GRIN2A: variants seen among roughly 807,000 people sequenced by gnomAD.
GRIN2A encodes glutamate receptor ionotropic, NMDA 2A.
Under a neutral mutation model 113.4 loss-of-function variants are expected in GRIN2A, and 22 were observed. The observed-to-expected ratio is 0.19, with a 90% confidence interval of 0.14 to 0.28. The LOEUF is 0.28. Among genes scored for constraint, GRIN2A ranks in the 10% least tolerant of loss-of-function variants. GRIN2A has a pLI of 1.00. For missense variants in GRIN2A, 1,502 were observed against 1,887.0 expected, an observed-to-expected ratio of 0.80 and a Z score of 3.78; for synonymous variants, 827 against 738.4, an observed-to-expected ratio of 1.12 and a Z score of -1.94.
At chr16:9,965,205 G>T (rs1026774096) in intron 2 of GRIN2A, among the ~76,000 whole-genome samples, 54 of 152,174 alleles carry the variant, frequency 3.5e-4, no homozygotes, top group African/African-American at 1.3e-3. Context: ...AACAAAGACT[G>T]CAGGGTGTTT....
intron 2 of GRIN2A, among the ~76,000 whole-genome samples, chr16:10,165,970 C>T (rs1051133364): frequency 2.0e-5 from 3 of 152,156 alleles, no homozygotes; most frequent in South Asian, 2.1e-4. Flanking sequence ...GCCATGCACA[C>T]ACCCTAACAC....
At chr16:9,789,580 AC>A (rs1902471638) in intron 11 of GRIN2A, among the ~76,000 whole-genome samples, 2 of 151,700 alleles carry the variant, frequency 1.3e-5, no homozygotes, top group South Asian at 4.2e-4. Context: ...ACACACACAC[AC>A]ACACACACAA....
intron 2 of GRIN2A, among the ~76,000 whole-genome samples, chr16:10,145,580 C>T (rs748928804): frequency 2.6e-5 from 4 of 151,946 alleles, no homozygotes; most frequent in African/African-American, 7.3e-5. Context: ...TACACATTCT[C>T]TCTATTCTTG....
rs2082921093 is a variant in GRIN2A, at chr16:9,755,608, C to G, written c.*7541G>C. The G allele has an allele frequency of 5.4e-6, 1 of 186,126 alleles. No homozygotes were observed. The highest frequency in any genetic ancestry group is 1.1e-5 in the Non-Finnish European group (1 of 88,040). 11.5% of individuals were successfully genotyped at this position (186,126 alleles called of 1,614,324 possible). A position where few individuals can be genotyped will look rare whatever the true frequency, so the allele number is the denominator to read the frequency against. The stretch of plus-strand genomic sequence containing the variant: ...ATCCATCAAATGGGCCTAATGCACC[C>G]CTCACCTCTCAGTAAATATAAATGC... On this transcript the variant is annotated 3_prime_UTR_variant, in exon 13 of 13. Transcript: ENST00000330684.
chr16:10,181,811 C>CTCTCCCTCCGGTCGAG (rs1313652318), intron 1 of GRIN2A, 66 bp downstream of exon 1: 9 of 153,182 alleles, frequency 5.9e-5, no homozygotes, highest in African/African-American at 1.2e-4. Context: ...CCCTCTCCCG[C>CTCTCCCTCCGGTCGAG]TCTCCCTCCG....
At chr16:10,000,356 A>T (rs1489237156) in intron 2 of GRIN2A, among the ~76,000 whole-genome samples, 1 of 150,160 alleles carries the variant, frequency 6.7e-6, no homozygotes, top group Non-Finnish European at 1.5e-5. Context: ...ACAGAGAAAG[A>T]AAGTTTTTTT....
intron 2 of GRIN2A, among the ~76,000 whole-genome samples, chr16:10,075,147 T>A (rs1340707650): frequency 6.6e-6 from 1 of 152,112 alleles, no homozygotes; most frequent in Non-Finnish European, 1.5e-5. Context: ...AGTTTCCTCA[T>A]CTGCATGTCG....
chr16:9,995,985 A>T (rs537243999), intron 2 of GRIN2A, among the ~76,000 whole-genome samples: 7 of 146,382 alleles, frequency 4.8e-5, no homozygotes, highest in African/African-American at 1.7e-4. Context: ...AAGGAAGAAA[A>T]GGAATAGGAG....
intron 2 of GRIN2A, among the ~76,000 whole-genome samples, chr16:10,040,354 TCA>T (rs1010529109): frequency 6.9e-6 from 1 of 145,796 alleles, no homozygotes; most frequent in Admixed American, 6.8e-5. Context: ...AACCCTGGAC[TCA>T]CAATGTACAA....
intron 2 of GRIN2A, among the ~76,000 whole-genome samples, chr16:10,123,183 C>A (rs13333309): frequency 6.6e-6 from 1 of 152,160 alleles, no homozygotes; most frequent in African/African-American, 2.4e-5. Flanking sequence ...AAATTCCAGG[C>A]AGATCTAATG....
At chr16:10,021,251 A>T (rs554245410) in intron 2 of GRIN2A, among the ~76,000 whole-genome samples, 1 of 152,226 alleles carries the variant, frequency 6.6e-6, no homozygotes, top group Admixed American at 6.5e-5. Context: ...CTGGTCAATG[A>T]CGGCTCTATT....
intron 2 of GRIN2A, among the ~76,000 whole-genome samples, chr16:10,079,443 G>A (rs1021180263): frequency 1.3e-5 from 2 of 152,170 alleles, no homozygotes; most frequent in African/African-American, 4.8e-5. Flanking sequence ...TGGTCTGAAT[G>A]TCTGTATCCC....
At chr16:10,138,255 TCACTATTCAA>T (rs2049244202) in intron 2 of GRIN2A, among the ~76,000 whole-genome samples, 1 of 152,176 alleles carries the variant, frequency 6.6e-6, no homozygotes. Context: ...CCACATTCGA[TCACTATTCAA>T]CTGTGAGACT....
At chr16:9,916,959 AG>A (rs1453583195) in intron 3 of GRIN2A, among the ~76,000 whole-genome samples, 1 of 152,188 alleles carries the variant, frequency 6.6e-6, no homozygotes, top group Non-Finnish European at 1.5e-5. Context: ...AGCGTTGCCT[AG>A]TGGTTCATAG....
intron 2 of GRIN2A, among the ~76,000 whole-genome samples, chr16:10,065,587 T>C (rs1173173201): frequency 6.6e-6 from 1 of 152,222 alleles, no homozygotes; most frequent in African/African-American, 2.4e-5. Context: ...AAAATAGGGC[T>C]AATCATAGCT....
chr16:9,909,128 C>T (rs1380143263), intron 3 of GRIN2A, among the ~76,000 whole-genome samples: 1 of 152,034 alleles, frequency 6.6e-6, no homozygotes, highest in East Asian at 1.9e-4. Context: ...CAAGGAGGAC[C>T]AAGTCATGTC....
chr16:9,841,137 T>C, intron 5 of GRIN2A, 33 bp from the exon 6 acceptor site: 1 of 1,558,220 alleles, frequency 6.4e-7, no homozygotes, highest in South Asian at 1.1e-5. Context: ...CACAGAATGT[T>C]AGCACTGGAA....
At chr16:9,954,873 C>T (rs533643120) in intron 2 of GRIN2A, among the ~76,000 whole-genome samples, 2 of 152,308 alleles carry the variant, frequency 1.3e-5, no homozygotes, top group South Asian at 4.2e-4. Context: ...CCTCCTTTCT[C>T]CAGGCCAGCG....
rs1031756288 is a variant in GRIN2A at position 9,865,335 on chromosome 16, C to G, written c.1123-15374G>C. ...TCACCCAAACCAATTATCCCCATCT[C>G]AGACAGTAATCAACAATTTGAGAGC... On this transcript the variant is annotated intron_variant, in intron 4 of 12. Transcript: ENST00000330684. Among the ~76,000 whole-genome samples the G allele has an allele frequency of 3.9e-5, 6 of 152,154 alleles. No individual in the cohort carries two copies. The South Asian group carries it at 6.2e-4, about 16-fold the overall frequency.
Sources: gnomAD v4.1 joint callset for allele counts (sites outside exome capture counted in the v4.1 genomes callset) on GRCh38, gnomAD v4.1.1 for gene constraint, MANE v1.5 for transcripts, NCBI Gene and HGNC (gene_info 2026-07-23, HGNC 2026-07-21) for gene names.